The following AGBL1 variants were observed in gnomAD, a reference collection of about 807,000 sequenced individuals.
AGBL1 encodes cytosolic carboxypeptidase 4.
In AGBL1, 130 loss-of-function variants were observed where a neutral mutation model predicts 118.9. The ratio of observed to expected loss-of-function variants is 1.09; its 90% CI spans 0.95 to 1.26. The LOEUF is 1.26. Ranked by LOEUF, AGBL1 falls within the 50% of genes most tolerant of loss-of-function variation. The probability of loss-of-function intolerance (pLI) is 0.00; values close to 1 mark genes in which losing one functional copy is unlikely to be tolerated. For missense variants in AGBL1, 1,584 were observed against 1,298.1 expected (o/e 1.22, Z -3.38); for synonymous variants, 555 against 478.9 (o/e 1.16, Z -2.08).
At chr15:86,963,348 AT>A (rs2081013311) in intron 23 of AGBL1, among the ~76,000 whole-genome samples, 2 of 152,076 alleles carry the variant, frequency 1.3e-5, no homozygotes, top group Non-Finnish European at 2.9e-5. Flanking sequence ...GTTTAGAAAT[AT>A]TCTAATGGTT....
intron 4 of AGBL1, among the ~76,000 whole-genome samples, chr15:86,156,628 A>G (rs1310367948): frequency 2.0e-5 from 3 of 152,112 alleles, no homozygotes; most frequent in African/African-American, 4.8e-5. Flanking sequence ...CAACTGCTTG[A>G]TAATTGCTAG....
chr15:86,556,604 G>T (rs1044577879), intron 21 of AGBL1, among the ~76,000 whole-genome samples: 2 of 152,194 alleles, frequency 1.3e-5, no homozygotes, highest in Admixed American at 6.5e-5. Flanking sequence ...GGAGTTGGGT[G>T]TTTTGGTGAT....
chr15:86,171,203 C>G (rs1015241295), intron 5 of AGBL1, among the ~76,000 whole-genome samples: 1 of 151,968 alleles, frequency 6.6e-6, no homozygotes, highest in Non-Finnish European at 1.5e-5. Flanking sequence ...TTCAAAAGAC[C>G]AAGGAGCACT....
chr15:86,232,922 G>C (rs939956985), intron 6 of AGBL1, among the ~76,000 whole-genome samples: 1 of 152,144 alleles, frequency 6.6e-6, no homozygotes, highest in Non-Finnish European at 1.5e-5. Context: ...GAGAATGAGT[G>C]TTTATTAGAG....
At chr15:86,110,565 A>G (rs1451651621) in intron 1 of AGBL1, among the ~76,000 whole-genome samples, 1 of 152,150 alleles carries the variant, frequency 6.6e-6, no homozygotes, top group East Asian at 1.9e-4. Flanking sequence ...CAGAGGGGGA[A>G]GAAAATCCAT....
chr15:86,253,441 G>T (rs1475131539), intron 7 of AGBL1, among the ~76,000 whole-genome samples: 4 of 151,978 alleles, frequency 2.6e-5, no homozygotes, highest in African/African-American at 9.7e-5. Context: ...AGTAGAGACG[G>T]GATTTCACCT....
chr15:86,328,846 T>C lies in AGBL1; in HGVS notation c.2374+33438T>C, dbSNP rs183597319. 2.8e-3 allele frequency among the ~76,000 whole-genome samples: 431 copies of C among 152,314 alleles called. 4 individuals carry two copies. Among genetic ancestry groups the C allele is most frequent in the South Asian group, 0.02 (98 of 4,826 alleles). On this transcript the variant is annotated intron_variant, in intron 17 of 22. Transcript: ENST00000614907. Reference sequence around the variant, plus strand: ...ACACTGGGAAACGCTGCAGGCATTTTCCCAGATTCAGGACCAAGGACAGGA... The same window carrying C: ...ACACTGGGAAACGCTGCAGGCATTTCCCCAGATTCAGGACCAAGGACAGGA...
intron 22 of AGBL1, among the ~76,000 whole-genome samples, chr15:86,792,501 T>A (rs2078509012): frequency 6.6e-6 from 1 of 152,228 alleles, no homozygotes; most frequent in Non-Finnish European, 1.5e-5. Flanking sequence ...ATTGGGAGTT[T>A]CATATGAGTT....
At chr15:86,331,337 T>A (rs1198441785) in intron 17 of AGBL1, among the ~76,000 whole-genome samples, 1 of 151,740 alleles carries the variant, frequency 6.6e-6, no homozygotes, top group Non-Finnish European at 1.5e-5. Flanking sequence ...TCTTCTCTCC[T>A]GAGAGAGAAG....
intron 5 of AGBL1, among the ~76,000 whole-genome samples, chr15:86,203,505 T>C (rs970196939): frequency 3.9e-5 from 6 of 152,176 alleles, no homozygotes; most frequent in Non-Finnish European, 5.9e-5. Flanking sequence ...CTGTGGTGTT[T>C]CAGATGAGGA....
chr15:86,785,696 A>C (rs1025265402), intron 22 of AGBL1, among the ~76,000 whole-genome samples: 6 of 152,130 alleles, frequency 3.9e-5, no homozygotes, highest in Non-Finnish European at 8.8e-5. Context: ...AAGGGTCAGT[A>C]GTGATTATGA....
Position 86,364,118 on chromosome 15 carries a change from T to C in AGBL1, c.2375-33248T>C, listed in dbSNP as rs146419575. ...CTGTTCTTTTCCATCATAACTTCCA[T>C]ACTCTGGAATAATCATTCTTTTCTT... On this transcript the variant is annotated intron_variant, in intron 17 of 22. Coordinates refer to ENST00000614907, the MANE Select transcript of AGBL1 (RefSeq NM_001386094.1). Among the ~76,000 whole-genome samples the C allele has an allele frequency of 3.0e-3, 461 of 152,280 alleles. 3 individuals carry two copies. The highest frequency in any genetic ancestry group is 0.027 in the Middle Eastern group (8 of 294).
chr15:86,235,030 A>T (rs758055512), intron 6 of AGBL1, among the ~76,000 whole-genome samples: 2 of 152,208 alleles, frequency 1.3e-5, no homozygotes, highest in Non-Finnish European at 2.9e-5. Flanking sequence ...TTTGTGGATC[A>T]GACAGTTCTG....
intron 18 of AGBL1, among the ~76,000 whole-genome samples, chr15:86,429,703 C>A (rs2081911902): frequency 6.6e-6 from 1 of 152,200 alleles, no homozygotes; most frequent in Non-Finnish European, 1.5e-5. Flanking sequence ...CTACATTTTT[C>A]ATTTTATTTC....
At chr15:86,156,943 C>G (rs866344511) in intron 4 of AGBL1, among the ~76,000 whole-genome samples, 2 of 151,900 alleles carry the variant, frequency 1.3e-5, no homozygotes, top group African/African-American at 4.8e-5. Context: ...TTGTGCACTA[C>G]TACACCTGGC....
chr15:86,156,820 C>T (rs1188258950), intron 4 of AGBL1, among the ~76,000 whole-genome samples: 5 of 127,778 alleles, frequency 3.9e-5, no homozygotes, highest in East Asian at 2.1e-4. Flanking sequence ...TAGACAGTCT[C>T]GTTCTGTCAC....
chr15:86,605,442 T>G (rs2084561937), intron 21 of AGBL1, among the ~76,000 whole-genome samples: 1 of 152,210 alleles, frequency 6.6e-6, no homozygotes, highest in African/African-American at 2.4e-5. Flanking sequence ...GTGCAGCAGC[T>G]AAAAACTGTC....
chr15:86,865,637 C>T (rs185848604), intron 22 of AGBL1, among the ~76,000 whole-genome samples: 7 of 152,308 alleles, frequency 4.6e-5, no homozygotes, highest in South Asian at 2.1e-4. Flanking sequence ...CAGAGCTAAT[C>T]GTTCCATTTT....
At chr15:86,853,713 C>T (rs1294052491) in intron 22 of AGBL1, among the ~76,000 whole-genome samples, 3 of 152,186 alleles carry the variant, frequency 2.0e-5, no homozygotes, top group South Asian at 2.1e-4. Flanking sequence ...GTGCAGCCAT[C>T]GCTACATCTA....
Sources: gnomAD v4.1 joint callset for allele counts (sites outside exome capture counted in the v4.1 genomes callset) on GRCh38, gnomAD v4.1.1 for gene constraint, MANE v1.5 for transcripts, NCBI Gene and HGNC (gene_info 2026-07-23, HGNC 2026-07-21) for gene names.